Variants in MARCHF1 observed in about 807,000 individuals in gnomAD.
MARCHF1 encodes E3 ubiquitin-protein ligase MARCHF1.
In MARCHF1, 40 loss-of-function variants were observed where a neutral mutation model predicts 54.2. The observed-to-expected ratio is 0.74, with a 90% CI of 0.57 to 0.96. The LOEUF is 0.96. Ranked by LOEUF, MARCHF1 falls within the 40% of genes least tolerant of loss-of-function variation. The probability of loss-of-function intolerance (pLI) is 0.00; values close to 1 mark genes in which losing one functional copy is unlikely to be tolerated. For missense variants in MARCHF1, 586 were observed against 656.5 expected (o/e 0.89, Z 1.17); for synonymous variants, 236 against 236.3 (o/e 1.00, Z 0.01).
chr4:163,978,329 T>C (rs926184947), intron 3 of MARCHF1, among the ~76,000 whole-genome samples: 1 of 152,196 alleles, frequency 6.6e-6, no homozygotes, highest in Admixed American at 6.5e-5. Context: ...TAATGAGCCA[T>C]ATTCACTGAG....
intron 3 of MARCHF1, among the ~76,000 whole-genome samples, chr4:163,913,061 A>T (rs1174641430): frequency 6.6e-6 from 1 of 152,210 alleles, no homozygotes; most frequent in Non-Finnish European, 1.5e-5. Context: ...CTGTTGATAA[A>T]CAGTATCCAA....
At chr4:163,633,045 T>C (rs1742167180) in intron 5 of MARCHF1, among the ~76,000 whole-genome samples, 2 of 151,976 alleles carry the variant, frequency 1.3e-5, no homozygotes, top group Admixed American at 1.3e-4. Flanking sequence ...TCCTGTCTGT[T>C]AGAAGGAAAA....
At chr4:164,278,811 A>G (rs868576761) in intron 1 of MARCHF1, among the ~76,000 whole-genome samples, 1 of 152,212 alleles carries the variant, frequency 6.6e-6, no homozygotes, top group Non-Finnish European at 1.5e-5. Flanking sequence ...GTTTACAAAC[A>G]TTAGAACAAT....
At chr4:164,260,474 T>C (rs1733431297) in intron 1 of MARCHF1, among the ~76,000 whole-genome samples, 1 of 152,088 alleles carries the variant, frequency 6.6e-6, no homozygotes, top group East Asian at 1.9e-4. Context: ...TCTCTCTAGC[T>C]GGCACACTTT....
At chr4:163,534,066 C>G (rs940567047) in intron 9 of MARCHF1, among the ~76,000 whole-genome samples, 7 of 152,010 alleles carry the variant, frequency 4.6e-5, no homozygotes, top group Non-Finnish European at 7.4e-5. Flanking sequence ...ATTGCACATC[C>G]TAATATAGGT....
At chr4:164,132,212 G>A (rs1263541121) in intron 1 of MARCHF1, among the ~76,000 whole-genome samples, 1 of 151,890 alleles carries the variant, frequency 6.6e-6, no homozygotes, top group African/African-American at 2.4e-5. Context: ...TTCGTTTCAC[G>A]AGGATCTTAT....
chr4:163,750,553 T>TAA (rs869281701), intron 4 of MARCHF1, among the ~76,000 whole-genome samples: 1 of 145,526 alleles, frequency 6.9e-6, no homozygotes, highest in African/African-American at 2.5e-5. Flanking sequence ...AATAAATAAA[T>TAA]AAACGTATCT....
At chr4:163,986,691 A>ATGTGGAT in intron 3 of MARCHF1, among the ~76,000 whole-genome samples, 1 of 152,330 alleles carries the variant, frequency 6.6e-6, no homozygotes, top group East Asian at 1.9e-4. Context: ...ATGTTTAAAG[A>ATGTGGAT]TGTGGATTAA....
At chr4:163,928,049 T>C (rs965064513) in intron 3 of MARCHF1, among the ~76,000 whole-genome samples, 1 of 151,878 alleles carries the variant, frequency 6.6e-6, no homozygotes, top group African/African-American at 2.4e-5. Flanking sequence ...GGGGTATATA[T>C]ATAGTTTACT....
At chr4:164,370,580 A>G (rs1417080516) in intron 1 of MARCHF1, among the ~76,000 whole-genome samples, 1 of 152,200 alleles carries the variant, frequency 6.6e-6, no homozygotes, top group African/African-American at 2.4e-5. Flanking sequence ...CAACCAAGGA[A>G]TATTTACCAC....
At chr4:163,781,121 G>C (rs1747453922) in intron 4 of MARCHF1, among the ~76,000 whole-genome samples, 1 of 152,038 alleles carries the variant, frequency 6.6e-6, no homozygotes, top group Non-Finnish European at 1.5e-5. Context: ...AGGGGCGGGG[G>C]GGGTGGATCA....
chr4:164,145,200 A>T (rs1428243626), intron 1 of MARCHF1, among the ~76,000 whole-genome samples: 2 of 152,078 alleles, frequency 1.3e-5, no homozygotes, highest in African/African-American at 4.8e-5. Flanking sequence ...AACCAAAAAG[A>T]GTCCAGGACC....
At chr4:163,743,962 GT>G (rs1347473782) in intron 4 of MARCHF1, among the ~76,000 whole-genome samples, 1 of 152,188 alleles carries the variant, frequency 6.6e-6, no homozygotes, top group African/African-American at 2.4e-5. Context: ...TCCAGCACTG[GT>G]TAGGTGTTTG....
At chr4:164,275,413 G>A (rs538319989) in intron 1 of MARCHF1, among the ~76,000 whole-genome samples, 134 of 152,252 alleles carry the variant, frequency 8.8e-4, no homozygotes, top group African/African-American at 3.2e-3. Context: ...CAACATTGCT[G>A]CACTTATTTT....
At chr4:163,769,114 T>A (rs1386925877) in intron 4 of MARCHF1, among the ~76,000 whole-genome samples, 1 of 152,178 alleles carries the variant, frequency 6.6e-6, no homozygotes, top group Non-Finnish European at 1.5e-5. Context: ...TTAATGTGAC[T>A]TATAGCTATA....
chr4:163,858,658 C>T (rs542899101), intron 3 of MARCHF1, among the ~76,000 whole-genome samples: 84 of 152,296 alleles, frequency 5.5e-4, no homozygotes, highest in African/African-American at 1.9e-3. Context: ...ATGAAAGGAA[C>T]AACTTGCAAT....
intron 5 of MARCHF1, among the ~76,000 whole-genome samples, chr4:163,699,757 T>C (rs948668631): frequency 6.6e-6 from 1 of 152,182 alleles, no homozygotes; most frequent in African/African-American, 2.4e-5. Context: ...TGAAAGTCAT[T>C]GTTTTCCATT....
At chr4:164,047,856 G>C (rs1754275089) in intron 2 of MARCHF1, among the ~76,000 whole-genome samples, 1 of 152,084 alleles carries the variant, frequency 6.6e-6, no homozygotes, top group African/African-American at 2.4e-5. Context: ...ATTAGTGTCT[G>C]TATTTGTAAT....
chr4:163,698,865 CAG>C (rs1428652692), intron 5 of MARCHF1, among the ~76,000 whole-genome samples: 1 of 152,138 alleles, frequency 6.6e-6, no homozygotes, highest in Non-Finnish European at 1.5e-5. Flanking sequence ...AGACAGATGA[CAG>C]AGTTCTTTGG....
Sources: gnomAD v4.1 joint callset for allele counts (sites outside exome capture counted in the v4.1 genomes callset) on GRCh38, gnomAD v4.1.1 for gene constraint, MANE v1.5 for transcripts, NCBI Gene and HGNC (gene_info 2026-07-23, HGNC 2026-07-21) for gene names.